The following SHISA9 variants were observed in gnomAD, a reference collection of about 807,000 sequenced individuals.
The protein encoded by SHISA9 is shisa family member 9.
Under a neutral mutation model 38.0 loss-of-function variants are expected in SHISA9, and 13 were observed. The ratio of observed to expected loss-of-function variants is 0.34; its 90% CI spans 0.22 to 0.54. The LOEUF is 0.54. SHISA9 is among the 20% of genes least tolerant of loss of function. The probability of loss-of-function intolerance (pLI) is 0.91; values close to 1 mark genes in which losing one functional copy is unlikely to be tolerated. For synonymous variants in SHISA9, 275 were observed against 242.0 expected, an observed-to-expected ratio of 1.14 and a Z score of -1.27; for missense variants, 538 against 575.8, an observed-to-expected ratio of 0.93 and a Z score of 0.67.
intron 2 of SHISA9, among the ~76,000 whole-genome samples, chr16:13,073,748 A>C (rs898377674): frequency 6.6e-6 from 1 of 152,110 alleles, no homozygotes; most frequent in Non-Finnish European, 1.5e-5. Flanking sequence ...TTAGAAGAAA[A>C]GGGGAGAGGA....
At chr16:13,062,947 C>A (rs532617786) in intron 2 of SHISA9, among the ~76,000 whole-genome samples, 1 of 152,278 alleles carries the variant, frequency 6.6e-6, no homozygotes, top group South Asian at 2.1e-4. Flanking sequence ...ATGCACTTGC[C>A]TGGGCGTGCT....
intron 2 of SHISA9, among the ~76,000 whole-genome samples, chr16:13,175,966 C>G (rs561155531): frequency 6.6e-6 from 1 of 152,106 alleles, no homozygotes; most frequent in Non-Finnish European, 1.5e-5. Context: ...CTCACTCTCC[C>G]TCTGTCTCTT....
chr16:13,240,292 T>C lies in SHISA9; in HGVS notation c.*4883T>C, dbSNP rs1339411742. On this transcript the variant is annotated 3_prime_UTR_variant, in exon 5 of 5. Transcript: ENST00000558583. The stretch of plus-strand genomic sequence containing the variant: ...ACAACTGCAGAGTTTATGATACGAA[T>C]AATTCTTCCTACAATGAAGAAAAAA... The C allele has an allele frequency of 6.6e-6, 1 of 152,248 alleles. No individual in the cohort carries two copies. Among genetic ancestry groups the C allele is most frequent in the African/African-American group, 2.4e-5 (1 of 41,472 alleles). The allele number at this position is 152,248 out of a possible 1,614,324, so 9.4% of individuals were successfully genotyped here.
intron 2 of SHISA9, among the ~76,000 whole-genome samples, chr16:13,017,395 GC>G (rs2072771069): frequency 6.6e-6 from 1 of 152,116 alleles, no homozygotes. Flanking sequence ...CACATTGTCA[GC>G]CTTCCATGTT....
intron 2 of SHISA9, among the ~76,000 whole-genome samples, chr16:13,027,944 A>C (rs886561461): frequency 7.3e-5 from 11 of 151,052 alleles, no homozygotes; most frequent in Admixed American, 2.6e-4. Context: ...AAAAAAAAAA[A>C]AAAAAAAAAA....
chr16:13,033,100 G>A (rs535719391), intron 2 of SHISA9, among the ~76,000 whole-genome samples: 43 of 152,206 alleles, frequency 2.8e-4, no homozygotes, highest in Non-Finnish European at 5.6e-4. Context: ...TAGTAGAAAA[G>A]ATAGGGTGCT....
At chr16:13,250,116 C>A in the SHISA9 span, among the ~76,000 whole-genome samples, 1 of 152,170 alleles carries the variant, frequency 6.6e-6, no homozygotes, top group African/African-American at 2.4e-5. Context: ...GATATCTAAT[C>A]TGCTACCCTT....
At chr16:13,157,125 T>C (rs186616519) in intron 2 of SHISA9, among the ~76,000 whole-genome samples, 1 of 152,272 alleles carries the variant, frequency 6.6e-6, no homozygotes, top group Admixed American at 6.5e-5. Flanking sequence ...AATCTTCTTC[T>C]TACGTGTTTA....
chr16:13,453,581 C>T, the SHISA9 span, among the ~76,000 whole-genome samples: 1 of 152,316 alleles, frequency 6.6e-6, no homozygotes, highest in African/African-American at 2.4e-5. Context: ...CCAGGCCATC[C>T]TAGACCAGCC....
chr16:13,142,204 G>A (rs1373824303), intron 2 of SHISA9, among the ~76,000 whole-genome samples: 1 of 152,166 alleles, frequency 6.6e-6, no homozygotes, highest in Non-Finnish European at 1.5e-5. Flanking sequence ...TGGGAGTCTA[G>A]AAATCATTCT....
the SHISA9 span, among the ~76,000 whole-genome samples, chr16:13,392,705 G>C: frequency 6.6e-6 from 1 of 152,228 alleles, no homozygotes; most frequent in African/African-American, 2.4e-5. Flanking sequence ...TGGAGGCTGC[G>C]ATATGACTGG....
At chr16:13,434,444 G>A in the SHISA9 span, among the ~76,000 whole-genome samples, 7 of 21,592 alleles carry the variant, frequency 3.2e-4, no homozygotes, top group African/African-American at 8.2e-4. Context: ...TTGAGATCGA[G>A]TTTCAGTCTG....
At chr16:13,435,513 G>C in the SHISA9 span, among the ~76,000 whole-genome samples, 10 of 152,260 alleles carry the variant, frequency 6.6e-5, no homozygotes, top group East Asian at 1.9e-3. Context: ...ACATTCTTTG[G>C]AATATGACTG....
chr16:13,318,353 C>T, the SHISA9 span, among the ~76,000 whole-genome samples: 12 of 151,812 alleles, frequency 7.9e-5, no homozygotes, highest in African/African-American at 1.5e-4. Flanking sequence ...GACAGAGTCT[C>T]GCTCTGTTGC....
the SHISA9 span, among the ~76,000 whole-genome samples, chr16:13,373,399 C>A: frequency 6.6e-6 from 1 of 152,164 alleles, no homozygotes; most frequent in Non-Finnish European, 1.5e-5. Context: ...GAGGGAATCT[C>A]CACTTGTTAA....
At chr16:13,430,357 A>T in the SHISA9 span, among the ~76,000 whole-genome samples, 1 of 152,114 alleles carries the variant, frequency 6.6e-6, no homozygotes, top group Non-Finnish European at 1.5e-5. Context: ...CTTGATTCTT[A>T]TGTATTTAGG....
chr16:13,492,586 A>G, the SHISA9 span, among the ~76,000 whole-genome samples: 2 of 152,060 alleles, frequency 1.3e-5, no homozygotes, highest in South Asian at 4.2e-4. Context: ...AAGCATGTAG[A>G]CTCCAAGAAG....
intron 3 of SHISA9, among the ~76,000 whole-genome samples, chr16:13,207,400 C>G (rs1434552461): frequency 6.6e-6 from 1 of 152,012 alleles, no homozygotes; most frequent in Non-Finnish European, 1.5e-5. Context: ...TTTGAGTAAC[C>G]CTCTGTTCAT....
chr16:13,328,478 T>A, the SHISA9 span, among the ~76,000 whole-genome samples: 6 of 151,052 alleles, frequency 4.0e-5, no homozygotes, highest in Admixed American at 6.6e-5. Flanking sequence ...AATGGCGTGA[T>A]CTTGGCTCAC....
Sources: allele counts gnomAD v4.1 joint callset (sites outside exome capture counted in the v4.1 genomes callset), GRCh38; gene constraint gnomAD v4.1.1; transcripts MANE v1.5; gene names NCBI Gene and HGNC (gene_info 2026-07-23, HGNC 2026-07-21).